CDH12: variants seen among roughly 807,000 people sequenced by gnomAD.
CDH12 encodes cadherin-12.
Under a neutral mutation model 74.1 loss-of-function variants are expected in CDH12, and 41 were observed. That is an observed-to-expected ratio of 0.55 (90% confidence interval 0.43 to 0.72). The LOEUF (loss-of-function observed/expected upper bound fraction) is 0.72, where lower values mean the gene tolerates loss of function less well. CDH12 is among the 30% of genes least tolerant of loss of function. The pLI is 0.00. For missense variants in CDH12, 945 were observed against 977.2 expected (o/e 0.97, Z 0.44); for synonymous variants, 399 against 355.0 (o/e 1.12, Z -1.39).
intron 1 of CDH12, among the ~76,000 whole-genome samples, chr5:22,678,881 G>C (rs1299962953): frequency 1.3e-5 from 2 of 152,026 alleles, no homozygotes; most frequent in Admixed American, 6.6e-5. Context: ...TGTAAGGCTT[G>C]AGTTTTAGAG....
chr5:22,729,518 T>A (rs901511870), intron 1 of CDH12, among the ~76,000 whole-genome samples: 1 of 151,896 alleles, frequency 6.6e-6, no homozygotes, highest in Non-Finnish European at 1.5e-5. Flanking sequence ...ATGGGTATGA[T>A]AGCATACTTG....
At chr5:22,664,441 T>C (rs1318750133) in intron 1 of CDH12, among the ~76,000 whole-genome samples, 1 of 152,084 alleles carries the variant, frequency 6.6e-6, no homozygotes, top group East Asian at 1.9e-4. Context: ...AACTATCAGA[T>C]CTTGCGAGAA....
chr5:22,399,474 A>C (rs933269003), intron 3 of CDH12, among the ~76,000 whole-genome samples: 2 of 152,182 alleles, frequency 1.3e-5, no homozygotes, highest in Non-Finnish European at 2.9e-5. Flanking sequence ...TATAAGTATC[A>C]TTTTAAAGCT....
intron 7 of CDH12, among the ~76,000 whole-genome samples, chr5:21,852,380 A>G (rs1238983349): frequency 1.3e-5 from 2 of 151,476 alleles, no homozygotes; most frequent in Admixed American, 1.3e-4. Flanking sequence ...TATAAAAGTT[A>G]CATTACATAT....
At chr5:22,676,362 A>T (rs1011843037) in intron 1 of CDH12, among the ~76,000 whole-genome samples, 1 of 152,182 alleles carries the variant, frequency 6.6e-6, no homozygotes, top group Non-Finnish European at 1.5e-5. Context: ...TTTTGTTCAG[A>T]GACCTTATAA....
intron 2 of CDH12, among the ~76,000 whole-genome samples, chr5:22,468,560 T>G (rs1254176359): frequency 6.6e-6 from 1 of 152,154 alleles, no homozygotes; most frequent in African/African-American, 2.4e-5. Context: ...AGAATAGCAT[T>G]TATTTGACTT....
intron 2 of CDH12, among the ~76,000 whole-genome samples, chr5:22,415,948 C>G (rs1703312): frequency 6.6e-6 from 1 of 150,616 alleles, no homozygotes; most frequent in African/African-American, 2.4e-5. Flanking sequence ...GAGTAAACTG[C>G]TAAAGTAGAT....
intron 3 of CDH12, among the ~76,000 whole-genome samples, chr5:22,232,094 T>G (rs1319236388): frequency 6.6e-6 from 1 of 151,820 alleles, no homozygotes; most frequent in Non-Finnish European, 1.5e-5. Context: ...AAATATGCTG[T>G]TTTATCACAT....
At chr5:22,115,932 C>T (rs186032818) in intron 4 of CDH12, among the ~76,000 whole-genome samples, 252 of 152,150 alleles carry the variant, frequency 1.7e-3, no homozygotes, top group Middle Eastern at 3.4e-3. Flanking sequence ...CCTTGTGATC[C>T]GCCTGGCTTG....
intron 5 of CDH12, among the ~76,000 whole-genome samples, chr5:22,014,833 A>T (rs1011689452): frequency 6.6e-6 from 1 of 152,170 alleles, no homozygotes; most frequent in Non-Finnish European, 1.5e-5. Context: ...CTCTAAAAAC[A>T]TACACTTATT....
At chr5:22,076,954 G>T (rs1742362911) in intron 5 of CDH12, among the ~76,000 whole-genome samples, 1 of 152,038 alleles carries the variant, frequency 6.6e-6, no homozygotes, top group South Asian at 2.1e-4. Flanking sequence ...TTTAGGGATT[G>T]CACTATGAGG....
intron 1 of CDH12, among the ~76,000 whole-genome samples, chr5:22,788,648 T>A (rs1747762009): frequency 6.8e-6 from 1 of 147,732 alleles, no homozygotes; most frequent in Non-Finnish European, 1.5e-5. Flanking sequence ...AATATAATGT[T>A]CATGTGTAAA....
Position 22,418,163 on chromosome 5 carries a change from T to A in CDH12, c.-427-12812A>T, listed in dbSNP as rs906699295. 1.5e-4 allele frequency among the ~76,000 whole-genome samples: 23 copies of A among 152,288 alleles called. 1 individual carries two copies. The highest frequency in any genetic ancestry group is 1.5e-3 in the Admixed American group (23 of 15,282). Reference sequence around the variant, plus strand: ...GTTCTCCTTGAAGAGGTCCTTTACATCCCTTGTAAGTTATATTCCTAGGTA... The same window carrying A: ...GTTCTCCTTGAAGAGGTCCTTTACAACCCTTGTAAGTTATATTCCTAGGTA... On this transcript the variant is annotated intron_variant, in intron 2 of 14. Coordinates refer to ENST00000382254, the MANE Select transcript of CDH12 (RefSeq NM_004061.5).
chr5:22,587,526 G>A (rs1740464124), intron 1 of CDH12, among the ~76,000 whole-genome samples: 4 of 152,146 alleles, frequency 2.6e-5, no homozygotes, highest in Admixed American at 2.6e-4. Flanking sequence ...CTGTTCAACA[G>A]CCTATGCTAC....
chr5:22,414,337 A>G (rs1212919762), intron 2 of CDH12, among the ~76,000 whole-genome samples: 1 of 152,016 alleles, frequency 6.6e-6, no homozygotes, highest in African/African-American at 2.4e-5. Flanking sequence ...TTTTAATGAT[A>G]GGAGGACTTC....
intron 4 of CDH12, among the ~76,000 whole-genome samples, chr5:22,190,700 G>T (rs1374372856): frequency 6.6e-6 from 1 of 152,130 alleles, no homozygotes; most frequent in Non-Finnish European, 1.5e-5. Flanking sequence ...GGAGTGTGGT[G>T]CGAAAAGACA....
chr5:22,408,329 C>G (rs558749151), intron 2 of CDH12, among the ~76,000 whole-genome samples: 1 of 151,912 alleles, frequency 6.6e-6, no homozygotes, highest in South Asian at 2.1e-4. Flanking sequence ...TGAGGGATAA[C>G]CTGACACAAA....
intron 3 of CDH12, among the ~76,000 whole-genome samples, chr5:22,337,484 T>G (rs937006292): frequency 6.6e-6 from 1 of 152,120 alleles, no homozygotes; most frequent in Non-Finnish European, 1.5e-5. Context: ...GATTGAATCA[T>G]GGGGGTAAGT....
At chr5:21,858,805 G>C (rs933728123) in intron 6 of CDH12, among the ~76,000 whole-genome samples, 1 of 151,878 alleles carries the variant, frequency 6.6e-6, no homozygotes, top group African/African-American at 2.4e-5. Flanking sequence ...TTTATGTAGA[G>C]ACCTGAATAA....
Sources: allele counts gnomAD v4.1 joint callset (sites outside exome capture counted in the v4.1 genomes callset), GRCh38; gene constraint gnomAD v4.1.1; transcripts MANE v1.5; gene names NCBI Gene and HGNC (gene_info 2026-07-23, HGNC 2026-07-21).